GRM8: variants seen among roughly 807,000 people sequenced by gnomAD.
GRM8 encodes glutamate metabotropic receptor 8, also known as metabotropic glutamate receptor 8.
Under a neutral mutation model 87.2 loss-of-function variants are expected in GRM8, and 47 were observed. The observed-to-expected ratio is 0.54, with a 90% CI of 0.43 to 0.69. The LOEUF (loss-of-function observed/expected upper bound fraction) is 0.69, where lower values mean the gene tolerates loss of function less well. GRM8 is among the 30% of genes least tolerant of loss of function. The pLI, the probability that GRM8 is intolerant of heterozygous loss-of-function variation, is 0.00. For missense variants in GRM8, 1,019 were observed against 1,139.2 expected, an observed-to-expected ratio of 0.89 and a Z score of 1.52; for synonymous variants, 396 against 404.5, an observed-to-expected ratio of 0.98 and a Z score of 0.25.
chr7:126,489,015 T>C (rs1343728674), intron 9 of GRM8, among the ~76,000 whole-genome samples: 2 of 151,856 alleles, frequency 1.3e-5, no homozygotes, highest in African/African-American at 4.8e-5. Context: ...TAAAGCAGTG[T>C]ATAATTTCAA....
chr7:126,776,063 G>A (rs535587163), intron 6 of GRM8, among the ~76,000 whole-genome samples: 22 of 152,102 alleles, frequency 1.4e-4, no homozygotes, highest in Admixed American at 5.9e-4. Context: ...CCCAAACTTC[G>A]CCTAGATTAG....
intron 8 of GRM8, among the ~76,000 whole-genome samples, chr7:126,601,494 G>T (rs950929903): frequency 1.3e-5 from 2 of 152,018 alleles, no homozygotes; most frequent in African/African-American, 4.8e-5. Flanking sequence ...CTAAATCCCT[G>T]AGGAATCGCC....
intron 5 of GRM8, among the ~76,000 whole-genome samples, chr7:126,903,254 C>T (rs1242427148): frequency 1.3e-5 from 2 of 152,044 alleles, no homozygotes; most frequent in African/African-American, 2.4e-5. Context: ...ATGCCTTACT[C>T]CAGAGGATAA....
chr7:127,140,339 A>C (rs1210412135), intron 2 of GRM8, among the ~76,000 whole-genome samples: 1 of 152,158 alleles, frequency 6.6e-6, no homozygotes, highest in East Asian at 1.9e-4. Flanking sequence ...ATGTCTCCAG[A>C]CATTGCCAAA....
chr7:126,744,466 G>A (rs1815405752), intron 7 of GRM8, among the ~76,000 whole-genome samples: 1 of 151,982 alleles, frequency 6.6e-6, no homozygotes, highest in Non-Finnish European at 1.5e-5. Flanking sequence ...TGATTACACT[G>A]GTGGTGATAT....
At chr7:126,849,624 T>C (rs918488751) in intron 6 of GRM8, among the ~76,000 whole-genome samples, 2 of 152,216 alleles carry the variant, frequency 1.3e-5, no homozygotes, top group African/African-American at 2.4e-5. Context: ...ACTATTTCCT[T>C]CCGTCTCTTC....
chr7:126,598,711 A>ACTAAG (rs973288380), intron 8 of GRM8, among the ~76,000 whole-genome samples: 1 of 152,130 alleles, frequency 6.6e-6, no homozygotes, highest in African/African-American at 2.4e-5. Context: ...TAGCTCACGG[A>ACTAAG]CTACCTCTTC....
chr7:126,806,808 C>T lies in GRM8; in HGVS notation c.1157-36743G>A, dbSNP rs543163100. On this transcript the variant is annotated intron_variant, in intron 6 of 10. Transcript: ENST00000339582. ...GCCGGCTGTGCCGCTGAGTGCGGGG[C>T]TTGCGGAGCCCGCGCCTACCCGGAA... Among the ~76,000 whole-genome samples, 28 of 152,328 alleles carry T rather than the reference C, an allele frequency of 1.8e-4. No homozygotes were observed. In the South Asian group the frequency reaches 5.8e-3, roughly 32 times the overall value.
chr7:127,231,487 T>C (rs1251649958), intron 2 of GRM8, among the ~76,000 whole-genome samples: 1 of 152,204 alleles, frequency 6.6e-6, no homozygotes, highest in Non-Finnish European at 1.5e-5. Context: ...ACAAGATAGG[T>C]CATAGTGTGA....
intron 7 of GRM8, among the ~76,000 whole-genome samples, chr7:126,691,412 A>G (rs1261168783): frequency 6.6e-6 from 1 of 152,190 alleles, no homozygotes; most frequent in South Asian, 2.1e-4. Flanking sequence ...CCAGGCCCCC[A>G]AAAGTGCAGA....
chr7:126,994,613 A>G lies in GRM8; in HGVS notation c.728-89930T>C, dbSNP rs149513204. On this transcript the variant is annotated intron_variant, in intron 3 of 10. Coordinates refer to ENST00000339582, the MANE Select transcript of GRM8 (RefSeq NM_000845.3). Reference sequence around the variant, plus strand: ...TAGTGGTGGCCTGGAAAAACTCCCTATGGGCTAGTGGTGGTGGTGGCAACA... The same window carrying G: ...TAGTGGTGGCCTGGAAAAACTCCCTGTGGGCTAGTGGTGGTGGTGGCAACA... 1.9e-3 allele frequency among the ~76,000 whole-genome samples: 292 copies of G among 152,206 alleles called. 1 individual carries two copies. The highest frequency in any genetic ancestry group is 6.8e-3 in the African/African-American group (282 of 41,532).
intron 3 of GRM8, among the ~76,000 whole-genome samples, chr7:126,952,426 C>T (rs1295924710): frequency 1.3e-5 from 2 of 152,022 alleles, no homozygotes; most frequent in Non-Finnish European, 1.5e-5. Context: ...ACAATTGTAA[C>T]TAGAATCAAA....
intron 6 of GRM8, among the ~76,000 whole-genome samples, chr7:126,826,429 G>T (rs534432490): frequency 0.022 from 3,371 of 152,190 alleles, 132 homozygotes; most frequent in African/African-American, 0.077. Flanking sequence ...GTGTGAGATG[G>T]TATCTCATTG....
chr7:126,446,124 A>T lies in GRM8; in HGVS notation c.2677+2T>A. ...CCATCGGAAACTCTACAGATGACTT[A>T]CTGTTGGTTTCAAGACTCTCACAGA... On this transcript the variant is annotated splice_donor_variant, in intron 10 of 10. Coordinates refer to ENST00000339582, the MANE Select transcript of GRM8 (RefSeq NM_000845.3). LOFTEE classifies it high-confidence loss of function. 1 of 1,612,530 alleles carries T rather than the reference A, an allele frequency of 6.2e-7. No homozygotes were observed.
chr7:127,108,576 C>T (rs989059803), intron 2 of GRM8, among the ~76,000 whole-genome samples: 1 of 152,138 alleles, frequency 6.6e-6, no homozygotes, highest in African/African-American at 2.4e-5. Context: ...AAATGACTTA[C>T]ACAACTCCCA....
chr7:126,791,132 G>C (rs928865198), intron 6 of GRM8, among the ~76,000 whole-genome samples: 1 of 152,056 alleles, frequency 6.6e-6, no homozygotes, highest in East Asian at 1.9e-4. Context: ...ATAATGACTT[G>C]TACATCTCAT....
rs533078409 is a variant in GRM8, at chr7:126,828,465, A to G, written c.1157-58400T>C. Among the ~76,000 whole-genome samples, 24 of 152,224 alleles carry G rather than the reference A, an allele frequency of 1.6e-4. No individual in the cohort carries two copies. The South Asian group carries it at 4.3e-3, about 28-fold the overall frequency. On this transcript the variant is annotated intron_variant, in intron 6 of 10. Transcript: ENST00000339582. Reference sequence around the variant, plus strand: ...GGAGGGTGTATCTGTCGAGGAATTTATCCATTTCTTCTAGATTTTCTAGTT... The same window carrying G: ...GGAGGGTGTATCTGTCGAGGAATTTGTCCATTTCTTCTAGATTTTCTAGTT...
chr7:126,587,666 C>T (rs1206718485), intron 8 of GRM8, among the ~76,000 whole-genome samples: 6 of 128,298 alleles, frequency 4.7e-5, no homozygotes, highest in African/African-American at 9.1e-5. Context: ...CATGACACAC[C>T]GGGCCTGTCA....
Position 127,049,418 on chromosome 7 carries a change from C to T in GRM8, c.727+57078G>A, listed in dbSNP as rs537042382. On this transcript the variant is annotated intron_variant, in intron 3 of 10. Coordinates refer to ENST00000339582, the MANE Select transcript of GRM8 (RefSeq NM_000845.3). Reference sequence around the variant, plus strand: ...TGAGTTTGTAAACCATGCACACTGACGCAGGTTTACAAGTAAATGATGTTG... The same window carrying T: ...TGAGTTTGTAAACCATGCACACTGATGCAGGTTTACAAGTAAATGATGTTG... 4.5e-4 allele frequency among the ~76,000 whole-genome samples: 69 copies of T among 152,118 alleles called. 1 individual carries two copies. The highest frequency in any genetic ancestry group is 7.8e-4 in the Non-Finnish European group (53 of 68,028).
Sources: gnomAD v4.1 joint callset for allele counts (sites outside exome capture counted in the v4.1 genomes callset) on GRCh38, gnomAD v4.1.1 for gene constraint, MANE v1.5 for transcripts, NCBI Gene and HGNC (gene_info 2026-07-23, HGNC 2026-07-21) for gene names.